RGS5: variants seen among roughly 807,000 people sequenced by gnomAD.
RGS5 encodes regulator of G protein signaling 5.
Under a neutral mutation model 18.9 loss-of-function variants are expected in RGS5, and 20 were observed. The observed-to-expected ratio is 1.06, with a 90% confidence interval of 0.74 to 1.54. The LOEUF (loss-of-function observed/expected upper bound fraction) is 1.54. Among genes scored for constraint, RGS5 ranks in the 40% most tolerant of loss-of-function variants. RGS5 has a pLI of 0.00. For synonymous variants in RGS5, 57 were observed against 76.2 expected, an observed-to-expected ratio of 0.75 and a Z score of 1.31; for missense variants, 201 against 211.8, an observed-to-expected ratio of 0.95 and a Z score of 0.32.
In RGS5 at chr1:163,147,922, T is replaced by TTTTTCTTTC. The variant is rs771123131; in HGVS notation, c.385-420_385-419insGAAAGAAAA. Among the ~76,000 whole-genome samples, 352 of 132,598 alleles carry TTTTTCTTTC rather than the reference T, an allele frequency of 2.7e-3. 1 individual carries two copies. Among genetic ancestry groups the TTTTTCTTTC allele is most frequent in the African/African-American group, 9.5e-3 (323 of 34,090 alleles). 87.0% of individuals were successfully genotyped at this position (132,598 alleles called of 152,430 possible). A position where few individuals can be genotyped will look rare whatever the true frequency, so the allele number is the denominator to read the frequency against. ...TCCTGGTGCTTTTTTCTTTTTCTTT[T>TTTTTCTTTC]TTTTTTTTTTTTTTTTTTGTTGGAT... is the stretch of plus-strand genomic sequence containing the variant. On this transcript the variant is annotated intron_variant, in intron 4 of 4. Coordinates refer to ENST00000313961, the MANE Select transcript of RGS5 (RefSeq NM_003617.4).
At chr1:163,191,965 T>A (rs1214306278) in intron 1 of RGS5, among the ~76,000 whole-genome samples, 1 of 152,116 alleles carries the variant, frequency 6.6e-6, no homozygotes, top group Non-Finnish European at 1.5e-5. Flanking sequence ...TCTGGGTTGG[T>A]GAACAAAAAT....
intron 1 of RGS5, among the ~76,000 whole-genome samples, chr1:163,186,509 G>T (rs1659086242): frequency 7.0e-6 from 1 of 143,090 alleles, no homozygotes; most frequent in Non-Finnish European, 1.5e-5. Flanking sequence ...AACCTGGGAG[G>T]CAGAGCTTGC....
intron 2 of RGS5, among the ~76,000 whole-genome samples, chr1:163,284,160 G>T (rs1176838120): frequency 1.3e-5 from 2 of 152,184 alleles, no homozygotes; most frequent in African/African-American, 2.4e-5. Flanking sequence ...TGTTTTAAGA[G>T]AATCTGACCT....
intron 1 of RGS5, chr1:163,210,939 T>A (rs1660089534): frequency 6.6e-6 from 1 of 152,228 alleles, no homozygotes; most frequent in East Asian, 1.9e-4. Context: ...TTGGTTGGAA[T>A]CTGGAGAATG....
At chr1:163,210,371 T>A (rs1660076471) in intron 1 of RGS5, among the ~76,000 whole-genome samples, 1 of 152,226 alleles carries the variant, frequency 6.6e-6, no homozygotes, top group South Asian at 2.1e-4. Context: ...ACTATACATT[T>A]TACTTCTAAG....
rs1277415861 is a variant in RGS5 at position 163,144,965 on chromosome 1, A to G, written c.*2377T>C. Reference sequence around the variant, plus strand: ...AATACAATTTTAAATGTAAGATTATATAGATGTAGATATAGATAGATAGAT... The same window carrying G: ...AATACAATTTTAAATGTAAGATTATGTAGATGTAGATATAGATAGATAGAT... On this transcript the variant is annotated 3_prime_UTR_variant, in exon 5 of 5. Coordinates refer to ENST00000313961, the MANE Select transcript of RGS5 (RefSeq NM_003617.4). 1.3e-5 allele frequency: 2 copies of G among 152,188 alleles called. No homozygotes were observed. The highest frequency in any genetic ancestry group is 4.8e-5 in the African/African-American group (2 of 41,452). 9.4% of individuals were successfully genotyped at this position (152,188 alleles called of 1,614,324 possible).
intron 1 of RGS5, among the ~76,000 whole-genome samples, chr1:163,196,955 C>T (rs1002655117): frequency 8.5e-5 from 13 of 152,274 alleles, no homozygotes; most frequent in African/African-American, 2.4e-4. Context: ...ATTCCTTCAA[C>T]AAAATGTTTA....
intron 2 of RGS5, among the ~76,000 whole-genome samples, chr1:163,233,003 A>C (rs1647523151): frequency 6.6e-6 from 1 of 152,200 alleles, no homozygotes; most frequent in South Asian, 2.1e-4. Flanking sequence ...CTCTTATTCA[A>C]GATCCAATCC....
chr1:163,201,240 T>A (rs1659761217), intron 1 of RGS5, among the ~76,000 whole-genome samples: 1 of 152,106 alleles, frequency 6.6e-6, no homozygotes, highest in African/African-American at 2.4e-5. Flanking sequence ...GCAAAGGAAA[T>A]AATTATACAT....
At chr1:163,317,030 T>C (rs1650045678) in intron 1 of RGS5, among the ~76,000 whole-genome samples, 1 of 152,182 alleles carries the variant, frequency 6.6e-6, no homozygotes, top group African/African-American at 2.4e-5. Context: ...AAACTTTTTT[T>C]TTGTAAGTAT....
intron 2 of RGS5, chr1:163,305,450 T>G (rs1649670988): frequency 6.6e-6 from 1 of 152,380 alleles, no homozygotes; most frequent in Non-Finnish European, 1.5e-5. Context: ...GCTCTAGAGA[T>G]TCCGCACCCC....
rs1460841748 is a variant in RGS5, at chr1:163,145,655, T to C, written c.*1687A>G. 6.6e-6 allele frequency: 1 copy of C among 152,154 alleles called. No homozygotes were observed. The highest frequency in any genetic ancestry group is 2.4e-5 in the African/African-American group (1 of 41,432). The allele number at this position is 152,154 out of a possible 1,614,324, so 9.4% of individuals were successfully genotyped here. On this transcript the variant is annotated 3_prime_UTR_variant, in exon 5 of 5. Transcript: ENST00000313961. ...CAGAACACCCAACCACTCTACCCAG[T>C]TTCAGAATGTGAAATGGCATGTATT...
chr1:163,290,600 G>A (rs1649257938), intron 2 of RGS5, among the ~76,000 whole-genome samples: 1 of 149,884 alleles, frequency 6.7e-6, no homozygotes, highest in Admixed American at 6.7e-5. Flanking sequence ...TCTCTCTCAT[G>A]GCAACCAGCC....
At chr1:163,187,638 G>A (rs1455826895) in intron 1 of RGS5, among the ~76,000 whole-genome samples, 2 of 152,132 alleles carry the variant, frequency 1.3e-5, no homozygotes, top group African/African-American at 4.8e-5. Context: ...TGGACACCTG[G>A]AGGTTCCCAG....
exon 1 of RGS5, chr1:163,217,613 T>G (rs899661066): frequency 1.3e-6 from 2 of 1,541,194 alleles, no homozygotes; most frequent in Middle Eastern, 1.7e-4. Flanking sequence ...GAGGTTTTGT[T>G]TCTTTGTTTT....
intron 1 of RGS5, among the ~76,000 whole-genome samples, chr1:163,175,477 A>G (rs1379125478): frequency 6.6e-6 from 1 of 152,154 alleles, no homozygotes; most frequent in Non-Finnish European, 1.5e-5. Flanking sequence ...GAGTATAAGA[A>G]TATGCTAGTG....
chr1:163,278,193 A>G (rs1328359459), intron 2 of RGS5, among the ~76,000 whole-genome samples: 1 of 152,132 alleles, frequency 6.6e-6, no homozygotes, highest in Non-Finnish European at 1.5e-5. Flanking sequence ...AAATCCAAAA[A>G]GGTCCTGTCT....
chr1:163,168,611 T>C (rs546277438), intron 1 of RGS5, among the ~76,000 whole-genome samples: 3 of 152,344 alleles, frequency 2.0e-5, no homozygotes, highest in Admixed American at 6.5e-5. Flanking sequence ...ATTATTGTTT[T>C]ATATGTGTTC....
At chr1:163,182,107 C>T (rs4657247) in intron 1 of RGS5, among the ~76,000 whole-genome samples, 31,555 of 151,890 alleles carry the variant, frequency 0.21, 3,703 homozygotes, top group African/African-American at 0.32. Context: ...TCCCTATCAC[C>T]GTATCTTGCA....
Sources: allele counts gnomAD v4.1 joint callset (sites outside exome capture counted in the v4.1 genomes callset), GRCh38; gene constraint gnomAD v4.1.1; transcripts MANE v1.5; gene names NCBI Gene and HGNC (gene_info 2026-07-23, HGNC 2026-07-21).